Variants in IGFBP7 observed in about 807,000 individuals in gnomAD.
The protein encoded by IGFBP7 is insulin like growth factor binding protein 7, also known as insulin-like growth factor-binding protein 7.
Under a neutral mutation model 29.4 loss-of-function variants are expected in IGFBP7, and 31 were observed. The ratio of observed to expected loss-of-function variants is 1.05; its 90% confidence interval spans 0.79 to 1.42. The LOEUF (loss-of-function observed/expected upper bound fraction) is 1.42. Among genes scored for constraint, IGFBP7 ranks in the 40% most tolerant of loss-of-function variants. The pLI is 0.00. For missense variants in IGFBP7, 393 were observed against 395.5 expected, an observed-to-expected ratio of 0.99 and a Z score of 0.05; for synonymous variants, 172 against 174.9, an observed-to-expected ratio of 0.98 and a Z score of 0.13.
intron 1 of IGFBP7, among the ~76,000 whole-genome samples, chr4:57,095,500 T>C (rs969093382): frequency 1.2e-4 from 19 of 152,202 alleles, no homozygotes; most frequent in Admixed American, 5.9e-4. Flanking sequence ...GGCCAAACAC[T>C]GTGCTAAGAA....
intron 1 of IGFBP7, among the ~76,000 whole-genome samples, chr4:57,061,040 A>G (rs1724785196): frequency 6.8e-6 from 1 of 147,552 alleles, no homozygotes; most frequent in Admixed American, 6.8e-5. Flanking sequence ...CTGGGGCAAC[A>G]GCGAGATTTC....
chr4:57,056,346 C>T (rs746491813), intron 1 of IGFBP7, among the ~76,000 whole-genome samples: 1 of 152,194 alleles, frequency 6.6e-6, no homozygotes, highest in Non-Finnish European at 1.5e-5. Context: ...GAATGCTCCT[C>T]TTACGCTAGT....
At chr4:57,096,148 A>G (rs1216276262) in intron 1 of IGFBP7, among the ~76,000 whole-genome samples, 1 of 151,462 alleles carries the variant, frequency 6.6e-6, no homozygotes, top group Admixed American at 6.6e-5. Flanking sequence ...CAAAACTGAC[A>G]TATTTCCGTT....
chr4:57,054,056 G>A (rs887828935), intron 1 of IGFBP7, among the ~76,000 whole-genome samples: 2 of 151,904 alleles, frequency 1.3e-5, no homozygotes, highest in African/African-American at 4.8e-5. Flanking sequence ...TGCCCAGGTT[G>A]GTCTTGGACT....
In IGFBP7 at chr4:57,033,126, C is replaced by T. The variant is rs1456542088; in HGVS notation, c.702+69G>A. On this transcript the variant is annotated intron_variant, in intron 3 of 4. Coordinates refer to ENST00000295666, the MANE Select transcript of IGFBP7 (RefSeq NM_001553.3). ...TTTAGGCTGGCGGTACATCAGGCAC[C>T]TTTGCCAGGTCTGCTTATGTCTAAT... 3 of 1,106,020 alleles carry T rather than the reference C, an allele frequency of 2.7e-6. No individual in the cohort carries two copies. The East Asian group carries it at 7.0e-5, about 26-fold the overall frequency. The allele number at this position is 1,106,020 out of a possible 1,614,324, so 68.5% of individuals were successfully genotyped here. A position where few individuals can be genotyped will look rare whatever the true frequency, so the allele number is the denominator to read the frequency against.
chr4:57,069,557 G>T (rs558066046), intron 1 of IGFBP7, among the ~76,000 whole-genome samples: 72 of 152,138 alleles, frequency 4.7e-4, no homozygotes, highest in Non-Finnish European at 9.1e-4. Flanking sequence ...ACAGCTACTC[G>T]GGAGGTGGAG....
intron 2 of IGFBP7, among the ~76,000 whole-genome samples, chr4:57,039,702 T>C (rs1724173335): frequency 6.8e-6 from 1 of 147,588 alleles, no homozygotes; most frequent in Non-Finnish European, 1.5e-5. Flanking sequence ...CACAGCTCAC[T>C]GCAGCCTCAA....
intron 1 of IGFBP7, among the ~76,000 whole-genome samples, chr4:57,042,749 G>C (rs1724261846): frequency 6.6e-6 from 1 of 152,274 alleles, no homozygotes. Context: ...TTGGAACACA[G>C]CCACACTTAT....
intron 1 of IGFBP7, among the ~76,000 whole-genome samples, chr4:57,043,331 T>C (rs530863010): frequency 1.3e-5 from 2 of 152,346 alleles, no homozygotes; most frequent in African/African-American, 2.4e-5. Context: ...TTCTGAATTT[T>C]AAATCTCTGC....
chr4:57,100,966 A>T (rs1272692051), intron 1 of IGFBP7, among the ~76,000 whole-genome samples: 1 of 152,256 alleles, frequency 6.6e-6, no homozygotes, highest in East Asian at 1.9e-4. Flanking sequence ...GTAGCATATG[A>T]GGAAAATCCA....
intron 1 of IGFBP7, among the ~76,000 whole-genome samples, chr4:57,067,600 T>C (rs1170846744): frequency 6.6e-6 from 1 of 152,180 alleles, no homozygotes; most frequent in African/African-American, 2.4e-5. Flanking sequence ...AGACCTGCTG[T>C]ACAGCAATGT....
intron 1 of IGFBP7, among the ~76,000 whole-genome samples, chr4:57,060,024 T>C (rs1724763661): frequency 6.6e-6 from 1 of 152,242 alleles, no homozygotes; most frequent in Non-Finnish European, 1.5e-5. Context: ...AACTAAGTGA[T>C]GTGCTGGGTC....
intron 2 of IGFBP7, among the ~76,000 whole-genome samples, chr4:57,036,501 G>A (rs1403867810): frequency 6.6e-6 from 1 of 152,178 alleles, no homozygotes; most frequent in Non-Finnish European, 1.5e-5. Flanking sequence ...TATTGGGAAG[G>A]TGTTTTGCTT....
chr4:57,062,155 G>A (rs1724814774), intron 1 of IGFBP7, among the ~76,000 whole-genome samples: 3 of 152,260 alleles, frequency 2.0e-5, no homozygotes, highest in African/African-American at 4.8e-5. Flanking sequence ...GGGCCTCCCC[G>A]ATGCTACCGT....
intron 1 of IGFBP7, among the ~76,000 whole-genome samples, chr4:57,108,071 G>A (rs544215112): frequency 6.6e-6 from 1 of 152,218 alleles, no homozygotes; most frequent in South Asian, 2.1e-4. Flanking sequence ...CTTAAATAAC[G>A]CACATTTATC....
At chr4:57,058,900 A>G (rs1724733597) in intron 1 of IGFBP7, among the ~76,000 whole-genome samples, 1 of 152,230 alleles carries the variant, frequency 6.6e-6, no homozygotes, top group African/African-American at 2.4e-5. Flanking sequence ...ACAAATTTAC[A>G]AGAAAAAACC....
At chr4:57,081,816 C>A (rs1398739649) in intron 1 of IGFBP7, among the ~76,000 whole-genome samples, 7 of 152,308 alleles carry the variant, frequency 4.6e-5, no homozygotes, top group Non-Finnish European at 8.8e-5. Context: ...AGGTCCTCAG[C>A]ACAAAATAAA....
intron 1 of IGFBP7, among the ~76,000 whole-genome samples, chr4:57,087,711 G>C (rs1282410017): frequency 1.3e-5 from 2 of 152,214 alleles, no homozygotes; most frequent in African/African-American, 4.8e-5. Flanking sequence ...AGGCCTAACA[G>C]TTACAAAGGC....
At chr4:57,103,660 C>CTTTTTTTTTTTTTTTTTTTT (rs59173874) in intron 1 of IGFBP7, among the ~76,000 whole-genome samples, 10 of 86,500 alleles carry the variant, frequency 1.2e-4, no homozygotes, top group South Asian at 4.4e-4. Context: ...TTTTTCTTTT[C>CTTTTTTTTTTTTTTTTTTTT]TTTTTTTTTT....
Sources: allele counts gnomAD v4.1 joint callset (sites outside exome capture counted in the v4.1 genomes callset), GRCh38; gene constraint gnomAD v4.1.1; transcripts MANE v1.5; gene names NCBI Gene and HGNC (gene_info 2026-07-23, HGNC 2026-07-21).